RRAS2: variants seen among roughly 807,000 people sequenced by gnomAD.
RRAS2 encodes RAS related 2.
In RRAS2, 7 loss-of-function variants were observed where a neutral mutation model predicts 27.6. That is an observed-to-expected ratio of 0.25 (90% CI 0.14 to 0.48). RRAS2 has a LOEUF of 0.48. Among genes scored for constraint, RRAS2 ranks in the 20% least tolerant of loss-of-function variants. The pLI is 0.99. For missense variants in RRAS2, 178 were observed against 256.2 expected, an observed-to-expected ratio of 0.69 and a Z score of 2.08; for synonymous variants, 86 against 90.9, an observed-to-expected ratio of 0.95 and a Z score of 0.31.
intron 1 of RRAS2, among the ~76,000 whole-genome samples, chr11:14,315,714 C>G (rs146735014): frequency 2.6e-5 from 4 of 152,202 alleles, no homozygotes; most frequent in Admixed American, 6.5e-5. Flanking sequence ...TTCTGTAACT[C>G]TAAAGTTCTT....
intron 1 of RRAS2, among the ~76,000 whole-genome samples, chr11:14,353,533 T>G (rs12270374): frequency 2.7e-5 from 4 of 150,916 alleles, no homozygotes; most frequent in African/African-American, 9.8e-5. Flanking sequence ...AGGCTGCAGA[T>G]AGCCAAGATC....
rs190501785 is a variant in RRAS2, at chr11:14,313,751, A to T, written c.109-17896T>A. 9.6e-4 allele frequency among the ~76,000 whole-genome samples: 147 copies of T among 152,348 alleles called. 1 individual carries two copies. Among genetic ancestry groups the T allele is most frequent in the African/African-American group, 3.3e-3 (138 of 41,584 alleles). Reference sequence around the variant, plus strand: ...AAGCACCAGAAGCCAGGACAGAGGCATGGAAATGATTCTTCCTCAGACTCC... The same window carrying T: ...AAGCACCAGAAGCCAGGACAGAGGCTTGGAAATGATTCTTCCTCAGACTCC... On this transcript the variant is annotated intron_variant, in intron 1 of 5. Coordinates refer to ENST00000256196, the MANE Select transcript of RRAS2 (RefSeq NM_012250.6).
intron 1 of RRAS2, among the ~76,000 whole-genome samples, chr11:14,313,593 G>T (rs1000061246): frequency 6.6e-6 from 1 of 152,102 alleles, no homozygotes. Flanking sequence ...AACCACTGTT[G>T]TCCTTATAAG....
intron 1 of RRAS2, among the ~76,000 whole-genome samples, chr11:14,300,888 C>A (rs782545647): frequency 1.2e-4 from 18 of 152,226 alleles, no homozygotes; most frequent in Non-Finnish European, 1.8e-4. Context: ...AGTGTAGTTC[C>A]CAAACACTGC....
intron 1 of RRAS2, among the ~76,000 whole-genome samples, chr11:14,315,175 T>C (rs984791226): frequency 2.4e-4 from 36 of 152,058 alleles, no homozygotes; most frequent in Admixed American, 4.6e-4. Flanking sequence ...GAATACAATA[T>C]GGAAAAGGGT....
intron 1 of RRAS2, among the ~76,000 whole-genome samples, chr11:14,325,457 C>T (rs782482461): frequency 1.3e-5 from 2 of 152,144 alleles, no homozygotes; most frequent in South Asian, 4.1e-4. Flanking sequence ...GCGCCTGCCA[C>T]GACGCCTGGC....
At chr11:14,324,587 T>C (rs1464378091) in intron 1 of RRAS2, among the ~76,000 whole-genome samples, 2 of 152,154 alleles carry the variant, frequency 1.3e-5, no homozygotes, top group Non-Finnish European at 2.9e-5. Flanking sequence ...CTAAAATTTA[T>C]AAGCAAGAAA....
intron 1 of RRAS2, among the ~76,000 whole-genome samples, chr11:14,328,468 T>C (rs1252988646): frequency 2.0e-5 from 3 of 151,872 alleles, no homozygotes; most frequent in Non-Finnish European, 4.4e-5. Flanking sequence ...GTAAAATTTA[T>C]TTGGCAAGAG....
At chr11:14,294,714 T>G (rs1554946318) in intron 3 of RRAS2, 46 bp downstream of exon 3, 34 of 1,573,258 alleles carry the variant, frequency 2.2e-5, no homozygotes, top group Non-Finnish European at 3.0e-5. Context: ...TAAAGTCTAG[T>G]GATCTTGACA....
intron 1 of RRAS2, among the ~76,000 whole-genome samples, chr11:14,354,859 T>A (rs1231149903): frequency 6.6e-6 from 1 of 151,886 alleles, no homozygotes; most frequent in Non-Finnish European, 1.5e-5. Flanking sequence ...GTATTTTTAG[T>A]AGAGGTGGGG....
rs34223441 is a variant in RRAS2 at position 14,322,276 on chromosome 11, C to CAA, written c.109-26423_109-26422dup. Among the ~76,000 whole-genome samples the CAA allele has an allele frequency of 2.7e-3, 380 of 139,464 alleles. 10 individuals are homozygous for CAA. The East Asian group carries it at 0.052, about 19-fold the overall frequency. 91.5% of individuals were successfully genotyped at this position (139,464 alleles called of 152,430 possible). On this transcript the variant is annotated intron_variant, in intron 1 of 5. Coordinates refer to ENST00000256196, the MANE Select transcript of RRAS2 (RefSeq NM_012250.6). ...TGAAACCCCATCTCTACCAAAAATA[C>CAA]AAAAAAAAAAAAAATGAGCCCAGCA...
intron 1 of RRAS2, among the ~76,000 whole-genome samples, chr11:14,355,586 C>T (rs1318454387): frequency 6.6e-6 from 1 of 152,162 alleles, no homozygotes; most frequent in Non-Finnish European, 1.5e-5. Flanking sequence ...AATTTTGCAA[C>T]TCTTCATATG....
At chr11:14,294,918 C>T in intron 2 of RRAS2, 56 bp from the exon 3 acceptor site, 8 of 1,475,596 alleles carry the variant, frequency 5.4e-6, no homozygotes, top group Non-Finnish European at 7.6e-6. Context: ...TGCTTCCCCA[C>T]AAGGGCAAGA....
chr11:14,299,141 G>A (rs1554947068), intron 1 of RRAS2, among the ~76,000 whole-genome samples: 2 of 152,214 alleles, frequency 1.3e-5, no homozygotes. Context: ...ATTAATAAAT[G>A]TCAACCATAA....
chr11:14,288,915 T>G (rs1304465932), intron 4 of RRAS2, among the ~76,000 whole-genome samples: 1 of 152,242 alleles, frequency 6.6e-6, no homozygotes, highest in Non-Finnish European at 1.5e-5. Context: ...TACAACGTCT[T>G]AACTCACTGG....
chr11:14,358,991 G>T lies in RRAS2; in HGVS notation c.-121C>A. 8.7e-7 allele frequency: 1 copy of T among 1,144,300 alleles called. No homozygotes were observed. Among genetic ancestry groups the T allele is most frequent in the Non-Finnish European group, 1.1e-6 (1 of 932,672 alleles). 70.9% of individuals were successfully genotyped at this position (1,144,300 alleles called of 1,614,324 possible). On this transcript the variant is annotated 5_prime_UTR_variant, in exon 1 of 6. Coordinates refer to ENST00000256196, the MANE Select transcript of RRAS2 (RefSeq NM_012250.6). The surrounding 1 kb of genome is among the most constrained non-coding windows in gnomAD (Gnocchi z 5.1). ...GCGAGCGGCCGGGCTGGGGTCCCGG[G>T]TACCGGGAGGCGTCTGGAGGGCCGG...
At chr11:14,299,381 C>T (rs11023183) in intron 1 of RRAS2, among the ~76,000 whole-genome samples, 6,714 of 152,208 alleles carry the variant, frequency 0.044, 190 homozygotes, top group Non-Finnish European at 0.065. Context: ...AGTTAATTTA[C>T]ATAAGTAAAA....
At chr11:14,320,102 C>A (rs1179250825) in intron 1 of RRAS2, among the ~76,000 whole-genome samples, 15 of 151,450 alleles carry the variant, frequency 9.9e-5, no homozygotes, top group Admixed American at 9.9e-4. Flanking sequence ...TGTAGCACTG[C>A]CCACCCACCG....
chr11:14,342,132 T>G, intron 1 of RRAS2: 1 of 209,800 alleles, frequency 4.8e-6, no homozygotes, highest in Non-Finnish European at 9.5e-6. Flanking sequence ...CCTACCCCAC[T>G]GCTCCTCCCA....
Sources: gnomAD v4.1 joint callset for allele counts (sites outside exome capture counted in the v4.1 genomes callset) on GRCh38, gnomAD v4.1.1 for gene constraint, Gnocchi (gnomAD v3.1) non-coding constraint, MANE v1.5 for transcripts, NCBI Gene and HGNC (gene_info 2026-07-23, HGNC 2026-07-21) for gene names.